Variants in SND1 observed in about 807,000 individuals in gnomAD.
SND1 encodes staphylococcal nuclease and tudor domain containing 1, also known as staphylococcal nuclease domain-containing protein 1.
A neutral mutation model predicts 121.7 loss-of-function variants in SND1; 38 were observed. The observed-to-expected ratio is 0.31, with a 90% CI of 0.24 to 0.41. The LOEUF (loss-of-function observed/expected upper bound fraction) is 0.41, where lower values mean the gene tolerates loss of function less well. Among genes scored for constraint, SND1 ranks in the 10% least tolerant of loss-of-function variants. The probability of loss-of-function intolerance (pLI) is 1.00; values close to 1 mark genes in which losing one functional copy is unlikely to be tolerated. For missense variants in SND1, 868 were observed against 1,184.6 expected, an observed-to-expected ratio of 0.73 and a Z score of 3.92; for synonymous variants, 401 against 447.4, an observed-to-expected ratio of 0.90 and a Z score of 1.31.
At chr7:127,988,182 A>T (rs1802437929) in intron 15 of SND1, among the ~76,000 whole-genome samples, 1 of 152,190 alleles carries the variant, frequency 6.6e-6, no homozygotes, top group African/African-American at 2.4e-5. Flanking sequence ...CTATCTGTAG[A>T]TGTAGCTCGG....
At chr7:127,762,634 G>A (rs143333972) in intron 10 of SND1, among the ~76,000 whole-genome samples, 1 of 152,210 alleles carries the variant, frequency 6.6e-6, no homozygotes, top group African/African-American at 2.4e-5. Context: ...ATAGTTGGCA[G>A]CTTAGTCTAG....
Position 128,070,769 on chromosome 7 carries a change from CTA to C in SND1, c.1780-3730_1780-3729del, listed in dbSNP as rs369506203. ...ACTTGTGGGAATTAACTCTATGTGT[CTA>C]TACAGTATACAGTCGATCTTCATTA... On this transcript the variant is annotated intron_variant, in intron 16 of 23. Coordinates refer to ENST00000354725, the MANE Select transcript of SND1 (RefSeq NM_014390.4). Among the ~76,000 whole-genome samples the C allele has an allele frequency of 7.2e-5, 11 of 152,248 alleles. No homozygotes were observed. In the East Asian group the frequency reaches 2.1e-3, roughly 29 times the overall value.
chr7:127,844,152 A>G (rs1584612723), intron 11 of SND1, among the ~76,000 whole-genome samples, 172 bp from the exon 12 acceptor site: 1 of 152,226 alleles, frequency 6.6e-6, no homozygotes, highest in Middle Eastern at 3.4e-3. Flanking sequence ...TTTTGCCAAC[A>G]TTTTCTCCCA....
At chr7:127,928,329 C>A (rs1584673333) in intron 14 of SND1, 2 of 152,264 alleles carry the variant, frequency 1.3e-5, no homozygotes, top group African/African-American at 4.8e-5. Flanking sequence ...CAGGTATCAT[C>A]TCATCCCCAA....
chr7:128,029,084 C>T lies in SND1; in HGVS notation c.1779+38028C>T, dbSNP rs1273585305. Reference sequence around the variant, plus strand: ...TCTTGGTGGTCTTCATGACTTCATCCAGGCTGGTCTGCATCTTGTCAGTGG... The same window carrying T: ...TCTTGGTGGTCTTCATGACTTCATCTAGGCTGGTCTGCATCTTGTCAGTGG... On this transcript the variant is annotated intron_variant, in intron 16 of 23. Coordinates refer to ENST00000354725, the MANE Select transcript of SND1 (RefSeq NM_014390.4). This position sits in a 1 kb window ranked among gnomAD's most constrained non-coding sequence, Gnocchi z 4.2. 6.2e-7 allele frequency: 1 copy of T among 1,614,024 alleles called. No individual in the cohort carries two copies. Among genetic ancestry groups the T allele is most frequent in the Non-Finnish European group, 8.5e-7 (1 of 1,179,992 alleles).
rs541519955 is a variant in SND1 at position 127,848,952 on chromosome 7, GA to G, written c.1343+4532del. 4.3e-4 allele frequency among the ~76,000 whole-genome samples: 65 copies of G among 152,268 alleles called. 1 individual carries two copies. In the South Asian group the frequency reaches 0.013, roughly 30 times the overall value. The stretch of plus-strand genomic sequence containing the variant: ...TATCTGTTTCCCCTGGGGAATCAAT[GA>G]AAACAAGGTTCATCATTCCTCTAAT... On this transcript the variant is annotated intron_variant, in intron 12 of 23. Transcript: ENST00000354725.
intron 10 of SND1, among the ~76,000 whole-genome samples, chr7:127,723,207 T>A (rs1278583928): frequency 1.3e-5 from 2 of 152,154 alleles, no homozygotes; most frequent in African/African-American, 4.8e-5. Flanking sequence ...AACCTACTAC[T>A]GAGTATTTTT....
At chr7:127,915,558 T>G (rs916308747) in intron 14 of SND1, among the ~76,000 whole-genome samples, 2 of 152,234 alleles carry the variant, frequency 1.3e-5, no homozygotes, top group Non-Finnish European at 2.9e-5. Context: ...GCTTTTCATA[T>G]GCCAGCAAGA....
Position 127,652,394 on chromosome 7 carries a change from C to A in SND1, c.21C>A (p.Ser7Arg). 1 of 1,598,718 alleles carries A rather than the reference C, an allele frequency of 6.3e-7. No homozygotes were observed. The highest frequency in any genetic ancestry group is 8.5e-7 in the Non-Finnish European group (1 of 1,173,374). Residue 7 changes from serine (S) to arginine (R), a missense_variant, in exon 1 of 24, where the codon AGC becomes AGA. By Grantham distance (110) the Ser-to-Arg change is moderately radical. This residue lies in a region of SND1 where 125 missense variants were observed against 113.3 expected (regional missense o/e 1.10). Coordinates refer to ENST00000354725, the MANE Select transcript of SND1 (RefSeq NM_014390.4). The part of the protein sequence containing the change: MASSAQ[S>R]GGSSGGPAVP... ...CACACATGGCGTCCTCCGCGCAGAG[C>A]GGCGGCTCCTCCGGGGGACCCGCGG...
chr7:127,969,139 A>G (rs1801920723), intron 15 of SND1, among the ~76,000 whole-genome samples: 1 of 152,108 alleles, frequency 6.6e-6, no homozygotes, highest in African/African-American at 2.4e-5. Flanking sequence ...GTGGAAGTAA[A>G]TAGTTGGTGG....
chr7:128,044,461 C>T (rs1792910814), intron 16 of SND1, among the ~76,000 whole-genome samples: 1 of 152,106 alleles, frequency 6.6e-6, no homozygotes. Context: ...AACTGTTTAC[C>T]ACAGAATTTC....
intron 9 of SND1, among the ~76,000 whole-genome samples, chr7:127,717,348 T>G (rs1341285441): frequency 6.6e-6 from 1 of 152,224 alleles, no homozygotes; most frequent in Non-Finnish European, 1.5e-5. Context: ...GATATGCCAG[T>G]GTCTCAGACT....
rs574581906 is a variant in SND1 at position 128,092,243 on chromosome 7, G to C, written c.*185G>C. 1 of 616,100 alleles carries C rather than the reference G, an allele frequency of 1.6e-6. No individual in the cohort carries two copies. The highest frequency in any genetic ancestry group is 1.8e-5 in the African/African-American group (1 of 54,172). The allele number at this position is 616,100 out of a possible 1,614,324, so 38.2% of individuals were successfully genotyped here. On this transcript the variant is annotated 3_prime_UTR_variant, in exon 24 of 24. Transcript: ENST00000354725. The surrounding 1 kb of genome is among the most constrained non-coding windows in gnomAD (Gnocchi z 4.9). ...GGTGGGGACCCCAAGGCTTTCTGGG[G>C]CAGACCCTTGTCCTCTGGGATGATG...
chr7:127,962,520 G>C (rs1329455819), intron 15 of SND1, among the ~76,000 whole-genome samples: 1 of 152,142 alleles, frequency 6.6e-6, no homozygotes, highest in African/African-American at 2.4e-5. Context: ...CATGCCTGTT[G>C]GCAACAGAAA....
At chr7:127,717,685 T>C (rs2116378513) in intron 9 of SND1, among the ~76,000 whole-genome samples, 2 of 152,290 alleles carry the variant, frequency 1.3e-5, no homozygotes, top group Middle Eastern at 6.8e-3. Context: ...CTCAGTGACG[T>C]CATCAAACCA....
intron 10 of SND1, among the ~76,000 whole-genome samples, chr7:127,773,451 C>CAA (rs879613987): frequency 1.2e-4 from 12 of 102,756 alleles, no homozygotes; most frequent in South Asian, 3.0e-4. Flanking sequence ...GACTCCGTCT[C>CAA]AAAAAAAAAA....
intron 12 of SND1, among the ~76,000 whole-genome samples, chr7:127,848,445 A>G (rs1439277809): frequency 1.3e-5 from 2 of 152,194 alleles, no homozygotes; most frequent in Non-Finnish European, 2.9e-5. Context: ...CCAGTACCCT[A>G]TGCTGAGGAC....
At chr7:127,944,239 C>T (rs1801277268) in intron 15 of SND1, among the ~76,000 whole-genome samples, 1 of 152,222 alleles carries the variant, frequency 6.6e-6, no homozygotes, top group Non-Finnish European at 1.5e-5. Flanking sequence ...TAAGTAATGT[C>T]TACTTGGCTC....
chr7:127,885,122 A>T (rs1177783608), intron 12 of SND1, among the ~76,000 whole-genome samples: 1 of 152,148 alleles, frequency 6.6e-6, no homozygotes, highest in Non-Finnish European at 1.5e-5. Context: ...ACTAGCCTAT[A>T]CTTTGTGCAA....
Sources: allele counts gnomAD v4.1 joint callset (sites outside exome capture counted in the v4.1 genomes callset), GRCh38; gene constraint gnomAD v4.1.1; regional missense constraint gnomAD v4.1.1; non-coding constraint Gnocchi (gnomAD v3.1); transcripts MANE v1.5; gene names NCBI Gene and HGNC (gene_info 2026-07-23, HGNC 2026-07-21).